The following CCNA2 variants were observed in gnomAD, a reference collection of about 807,000 sequenced individuals.
The protein encoded by CCNA2 is cyclin-A2.
In CCNA2, 3 loss-of-function variants were observed where a neutral mutation model predicts 49.4. The observed-to-expected ratio is 0.06, with a 90% confidence interval of 0.03 to 0.16. CCNA2 has a LOEUF of 0.16. CCNA2 is among the 10% of genes least tolerant of loss of function. The pLI is 1.00. For missense variants in CCNA2, 372 were observed against 519.7 expected, an observed-to-expected ratio of 0.72 and a Z score of 2.76; for synonymous variants, 206 against 197.2, an observed-to-expected ratio of 1.04 and a Z score of -0.37.
intron 2 of CCNA2, 127 bp downstream of exon 2, chr4:121,822,276 C>G: frequency 1.1e-6 from 1 of 903,570 alleles, no homozygotes; most frequent in East Asian, 2.7e-5. Flanking sequence ...CTTTCTAAGC[C>G]TTGTTACATT....
rs1051881 is a variant in CCNA2, at chr4:121,816,810, G to C, written c.*828C>G. 61,615 of 1,601,626 alleles carry C rather than the reference G, an allele frequency of 0.038. 6,769 individuals carry two copies. The African/African-American group carries it at 0.4, about 11-fold the overall frequency. The stretch of plus-strand genomic sequence containing the variant: ...AGTGCAAAACAAGAAAAAGCACCAA[G>C]TAAAAAGCCAGTGAAAAGAAGAAAA... On this transcript the variant is annotated 3_prime_UTR_variant, in exon 8 of 8. Transcript: ENST00000274026.
Position 121,819,624 on chromosome 4 carries a change from A to C in CCNA2, c.795-45T>G, listed in dbSNP as rs763244939. The C allele has an allele frequency of 2.3e-6, 3 of 1,313,084 alleles. No homozygotes were observed. In the African/African-American group the frequency reaches 4.4e-5, roughly 19 times the overall value. 81.3% of individuals were successfully genotyped at this position (1,313,084 alleles called of 1,614,324 possible). On this transcript the variant is annotated intron_variant, in intron 4 of 7. Coordinates refer to ENST00000274026, the MANE Select transcript of CCNA2 (RefSeq NM_001237.5). Reference sequence around the variant, plus strand: ...AAGTAATCAGTCCTAAAAGAGAAGCAAGCTTCCTTATCCCAGTTCTGAAAT... The same window carrying C: ...AAGTAATCAGTCCTAAAAGAGAAGCCAGCTTCCTTATCCCAGTTCTGAAAT...
chr4:121,817,942 T>G lies in CCNA2; in HGVS notation c.1250+102A>C. On this transcript the variant is annotated intron_variant, in intron 7 of 7. Coordinates refer to ENST00000274026, the MANE Select transcript of CCNA2 (RefSeq NM_001237.5). ...CACATAACCAATTTAGAGAACAGCT[T>G]CTCAAGGAGGCTATGGCAGATTCAT... is the stretch of plus-strand genomic sequence containing the variant. 3 of 1,213,930 alleles carry G rather than the reference T, an allele frequency of 2.5e-6. No homozygotes were observed. The South Asian group carries it at 4.3e-5, about 17-fold the overall frequency. The allele number at this position is 1,213,930 out of a possible 1,614,324, so 75.2% of individuals were successfully genotyped here.
chr4:121,821,139 G>T, intron 2 of CCNA2, 48 bp from the exon 3 acceptor site: 1 of 1,574,782 alleles, frequency 6.4e-7, no homozygotes. Context: ...TGCCTATTTA[G>T]TTTAATAGCT....
chr4:121,817,583 ACAC>A lies in CCNA2; in HGVS notation c.*52_*54del. ...AATTAAAACCTAAGTTAAAAACTGT[ACAC>A]CATATACTTTGAGTGATTTACATCT... On this transcript the variant is annotated 3_prime_UTR_variant, in exon 8 of 8. Coordinates refer to ENST00000274026, the MANE Select transcript of CCNA2 (RefSeq NM_001237.5). The A allele has an allele frequency of 6.2e-7, 1 of 1,604,068 alleles. No individual in the cohort carries two copies. The highest frequency in any genetic ancestry group is 1.1e-5 in the South Asian group (1 of 89,512).
chr4:121,819,315 G>T (rs1371443635), intron 5 of CCNA2, 57 bp downstream of exon 5: 1 of 1,335,656 alleles, frequency 7.5e-7, no homozygotes. Flanking sequence ...AGGAATTAGG[G>T]CTTACCCCTA....
chr4:121,818,723 T>A (rs1724614985), intron 6 of CCNA2, 77 bp downstream of exon 6: 1 of 942,256 alleles, frequency 1.1e-6, no homozygotes, highest in Non-Finnish European at 1.7e-6. Context: ...AACCCTCAGT[T>A]TTGTAGGACA....
At chr4:121,822,035 A>C (rs922128788) in intron 2 of CCNA2, among the ~76,000 whole-genome samples, 1 of 152,242 alleles carries the variant, frequency 6.6e-6, no homozygotes, top group Non-Finnish European at 1.5e-5. Flanking sequence ...CACAATATTT[A>C]AGACTGCATC....
Position 121,817,245 on chromosome 4 carries a change from T to G in CCNA2, c.*393A>C. On this transcript the variant is annotated 3_prime_UTR_variant, in exon 8 of 8. Transcript: ENST00000274026. ...TTGCTTAGGAAAATGAATGTCAGAATTTGAGGGTCTGTTTTCCTAAACCTA... is the reference window on the plus strand; with the variant it reads ...TTGCTTAGGAAAATGAATGTCAGAAGTTGAGGGTCTGTTTTCCTAAACCTA... 1 of 225,982 alleles carries G rather than the reference T, an allele frequency of 4.4e-6. No individual in the cohort carries two copies. Among genetic ancestry groups the G allele is most frequent in the Non-Finnish European group, 8.6e-6 (1 of 115,932 alleles). 14.0% of individuals were successfully genotyped at this position (225,982 alleles called of 1,614,324 possible). A position where few individuals can be genotyped will look rare whatever the true frequency, so the allele number is the denominator to read the frequency against.
chr4:121,822,438 A>G lies in CCNA2; in HGVS notation c.422T>C (p.Leu141Ser). 2 of 1,614,118 alleles carry G rather than the reference A, an allele frequency of 1.2e-6. No homozygotes were observed. The highest frequency in any genetic ancestry group is 1.7e-6 in the Non-Finnish European group (2 of 1,179,972). The change falls in exon 2 of 8, where the codon TTG becomes TCG. Residue 141 changes from leucine to serine, a missense_variant. Physicochemically the swap from Leu to Ser is moderately radical, Grantham distance 145 (BLOSUM62 -2). Around this residue, in one of 2 missense-constraint regions of CCNA2, gnomAD observed 217 missense variants for 231.7 expected, o/e 0.94. Transcript: ENST00000274026. ...AISLPGPRKP[L>S]VPLDYPMDGS... ...ATCCATTGGATAATCAAGAGGGACC[A>G]ATGGTTTTCTGGGTCCAGGTAAACT...
Position 121,816,681 on chromosome 4 carries a change from G to T in CCNA2, c.*957C>A. 1 of 1,303,734 alleles carries T rather than the reference G, an allele frequency of 7.7e-7. No individual in the cohort carries two copies. The highest frequency in any genetic ancestry group is 2.6e-5 in the East Asian group (1 of 38,480). 80.8% of individuals were successfully genotyped at this position (1,303,734 alleles called of 1,614,324 possible). On this transcript the variant is annotated 3_prime_UTR_variant, in exon 8 of 8. Coordinates refer to ENST00000274026, the MANE Select transcript of CCNA2 (RefSeq NM_001237.5). The stretch of plus-strand genomic sequence containing the variant: ...TCTTACTCATAGCTGACACATTTTA[G>T]ATCCTACTGGAAAACTAAGAAATGC...
Position 121,820,442 on chromosome 4 carries a change from A to C in CCNA2, c.794+100T>G. On this transcript the variant is annotated intron_variant, in intron 4 of 7. Coordinates refer to ENST00000274026, the MANE Select transcript of CCNA2 (RefSeq NM_001237.5). The surrounding 1 kb of genome is among the most constrained non-coding windows in gnomAD (Gnocchi z 4.1). Reference sequence around the variant, plus strand: ...ATTGCCATCCCTAAAGTAGTCACTGACTCTGCCTGGTGTATGTTAAAAGGT... The same window carrying C: ...ATTGCCATCCCTAAAGTAGTCACTGCCTCTGCCTGGTGTATGTTAAAAGGT... 1.3e-6 allele frequency: 1 copy of C among 781,080 alleles called. No individual in the cohort carries two copies. The allele number at this position is 781,080 out of a possible 1,614,324, so 48.4% of individuals were successfully genotyped here. A position where few individuals can be genotyped will look rare whatever the true frequency, so the allele number is the denominator to read the frequency against.
At chr4:121,821,509 C>A (rs1466078450) in intron 2 of CCNA2, among the ~76,000 whole-genome samples, 1 of 152,054 alleles carries the variant, frequency 6.6e-6, no homozygotes, top group Admixed American at 6.5e-5. Flanking sequence ...ATATAAAGCA[C>A]AAGTAGGCAA....
chr4:121,819,008 G>C (rs1390492445), intron 5 of CCNA2, 95 bp from the exon 6 acceptor site: 11 of 723,036 alleles, frequency 1.5e-5, no homozygotes, highest in Non-Finnish European at 2.5e-5. Context: ...CTTTGATAAC[G>C]GCTCTGTAGC....
rs199853275 is a variant in CCNA2 at position 121,822,648 on chromosome 4, TA to T, written c.214-3del. On this transcript the variant is annotated splice_region_variant and splice_polypyrimidine_tract_variant and intron_variant, in intron 1 of 7. Coordinates refer to ENST00000274026, the MANE Select transcript of CCNA2 (RefSeq NM_001237.5). ...AGGAAGATCCTTAAGGGGTGCAACC[TA>T]AAAAAAAATTAATAACTGGCTTTGA... 2.0e-4 allele frequency: 314 copies of T among 1,591,590 alleles called. No homozygotes were observed. The highest frequency in any genetic ancestry group is 5.9e-4 in the South Asian group (53 of 89,624).
chr4:121,821,604 ATAAT>A (rs1349580675), intron 2 of CCNA2, among the ~76,000 whole-genome samples: 1 of 152,218 alleles, frequency 6.6e-6, no homozygotes, highest in East Asian at 1.9e-4. Flanking sequence ...AACACTATAA[ATAAT>A]TTATTTTTTG....
Position 121,820,505 on chromosome 4 carries a change from G to A in CCNA2, c.794+37C>T. On this transcript the variant is annotated intron_variant, in intron 4 of 7. Transcript: ENST00000274026. This position sits in a 1 kb window ranked among gnomAD's most constrained non-coding sequence, Gnocchi z 4.1. ...AATCAATTTCTTCCCTAGACAAAAG[G>A]TCGTGATCACTTTTAAACAAACCAA... 1 of 1,443,928 alleles carries A rather than the reference G, an allele frequency of 6.9e-7. No individual in the cohort carries two copies. Among genetic ancestry groups the A allele is most frequent in the Non-Finnish European group, 9.6e-7 (1 of 1,041,916 alleles). 89.4% of individuals were successfully genotyped at this position (1,443,928 alleles called of 1,614,324 possible).
In CCNA2 at chr4:121,821,236, G is replaced by C. The variant is rs540800077; in HGVS notation, c.458-145C>G. 126 of 1,001,618 alleles carry C rather than the reference G, an allele frequency of 1.3e-4. 1 individual carries two copies. The African/African-American group carries it at 1.9e-3, about 15-fold the overall frequency. 62.0% of individuals were successfully genotyped at this position (1,001,618 alleles called of 1,614,324 possible). A position where few individuals can be genotyped will look rare whatever the true frequency, so the allele number is the denominator to read the frequency against. On this transcript the variant is annotated intron_variant, in intron 2 of 7. Coordinates refer to ENST00000274026, the MANE Select transcript of CCNA2 (RefSeq NM_001237.5). ...AGAGCTTCTCATGACAAAATATGTA[G>C]AATATTTTACCCTAGTCTCAGTATC...
In CCNA2 at chr4:121,817,328, C is replaced by G. The variant is rs1041328905; in HGVS notation, c.*310G>C. 6 of 273,606 alleles carry G rather than the reference C, an allele frequency of 2.2e-5. No individual in the cohort carries two copies. The highest frequency in any genetic ancestry group is 1.3e-4 in the African/African-American group (6 of 44,870). 16.9% of individuals were successfully genotyped at this position (273,606 alleles called of 1,614,324 possible). A position where few individuals can be genotyped will look rare whatever the true frequency, so the allele number is the denominator to read the frequency against. Reference sequence around the variant, plus strand: ...ATTATATAGTAAACCAAGTAAACTTCTTTACTAAGCAAAATCCTGAAGAAG... The same window carrying G: ...ATTATATAGTAAACCAAGTAAACTTGTTTACTAAGCAAAATCCTGAAGAAG... On this transcript the variant is annotated 3_prime_UTR_variant, in exon 8 of 8. Transcript: ENST00000274026.
Sources: allele counts gnomAD v4.1 joint callset (sites outside exome capture counted in the v4.1 genomes callset), GRCh38; gene constraint gnomAD v4.1.1; regional missense constraint gnomAD v4.1.1; non-coding constraint Gnocchi (gnomAD v3.1); transcripts MANE v1.5; gene names NCBI Gene and HGNC (gene_info 2026-07-23, HGNC 2026-07-21).